FHIT: variants seen among roughly 807,000 people sequenced by gnomAD.
FHIT encodes the protein bis(5'-adenosyl)-triphosphatase.
In FHIT, 19 loss-of-function variants were observed where a neutral mutation model predicts 17.9. The observed-to-expected ratio is 1.06, with a 90% CI of 0.74 to 1.56. The LOEUF (loss-of-function observed/expected upper bound fraction) is 1.56, where lower values mean the gene tolerates loss of function less well. Among genes scored for constraint, FHIT ranks in the 40% most tolerant of loss-of-function variants. The probability of loss-of-function intolerance (pLI) is 0.00; values close to 1 mark genes in which losing one functional copy is unlikely to be tolerated. For missense variants in FHIT, 248 were observed against 189.2 expected, an observed-to-expected ratio of 1.31 and a Z score of -1.82; for synonymous variants, 81 against 69.7, an observed-to-expected ratio of 1.16 and a Z score of -0.81.
chr3:59,887,602 A>G (rs528838136), intron 8 of FHIT, among the ~76,000 whole-genome samples: 12 of 152,198 alleles, frequency 7.9e-5, no homozygotes, highest in Non-Finnish European at 1.5e-4. Context: ...ATATCTGGGC[A>G]GTAAAAGTAC....
At chr3:59,876,601 G>T (rs768804550) in intron 8 of FHIT, among the ~76,000 whole-genome samples, 1 of 152,160 alleles carries the variant, frequency 6.6e-6, no homozygotes, top group Admixed American at 6.5e-5. Context: ...CCTTTGGTGG[G>T]AGATAAGCCC....
intron 5 of FHIT, among the ~76,000 whole-genome samples, chr3:60,490,839 A>G (rs758998915): frequency 6.6e-6 from 1 of 152,174 alleles, no homozygotes; most frequent in Non-Finnish European, 1.5e-5. Context: ...GCATCATGCT[A>G]CTTTGCAGGT....
intron 5 of FHIT, 100 bp downstream of exon 5, chr3:60,536,760 T>C: frequency 7.8e-7 from 1 of 1,288,720 alleles, no homozygotes; most frequent in Non-Finnish European, 1.0e-6. Context: ...TATTTACCTT[T>C]TTGGACAGAC....
intron 3 of FHIT, among the ~76,000 whole-genome samples, chr3:60,985,922 G>A (rs1287627257): frequency 1.3e-5 from 2 of 152,286 alleles, no homozygotes; most frequent in East Asian, 3.9e-4. Flanking sequence ...AGCTTCTAGA[G>A]GTTGCCTGCA....
chr3:61,218,173 A>G (rs374559747), intron 1 of FHIT, among the ~76,000 whole-genome samples: 2 of 152,216 alleles, frequency 1.3e-5, no homozygotes, highest in Non-Finnish European at 2.9e-5. Context: ...GGGAGTCAGT[A>G]TAAGTAGAAA....
At chr3:60,992,994 C>T (rs1036485097) in intron 3 of FHIT, among the ~76,000 whole-genome samples, 1 of 152,104 alleles carries the variant, frequency 6.6e-6, no homozygotes, top group South Asian at 2.1e-4. Flanking sequence ...GTCATTAAGT[C>T]CCATCGCGTG....
intron 8 of FHIT, among the ~76,000 whole-genome samples, chr3:59,891,952 G>A (rs1297500670): frequency 6.6e-6 from 1 of 152,132 alleles, no homozygotes; most frequent in Admixed American, 6.5e-5. Flanking sequence ...CAGACATGAT[G>A]AAACTGCGTT....
intron 5 of FHIT, among the ~76,000 whole-genome samples, chr3:60,181,063 T>C (rs1701908628): frequency 6.6e-6 from 1 of 152,066 alleles, no homozygotes; most frequent in East Asian, 1.9e-4. Context: ...ACCAACCAGC[T>C]ATGAGAAGTA....
In FHIT at chr3:60,678,896, A is replaced by G. The variant is rs558045671; in HGVS notation, c.-17-141917T>C. On this transcript the variant is annotated intron_variant, in intron 4 of 9. Transcript: ENST00000492590. Reference sequence around the variant, plus strand: ...CTTCCTGAAACATATCAGTGGCATAATAAATATCATCTCGTTTTCCATCTT... The same window carrying G: ...CTTCCTGAAACATATCAGTGGCATAGTAAATATCATCTCGTTTTCCATCTT... Among the ~76,000 whole-genome samples the G allele has an allele frequency of 3.9e-5, 6 of 151,954 alleles. No individual in the cohort carries two copies. In the East Asian group the frequency reaches 1.2e-3, roughly 29 times the overall value.
At chr3:60,497,160 G>A (rs936319549) in intron 5 of FHIT, among the ~76,000 whole-genome samples, 1 of 151,916 alleles carries the variant, frequency 6.6e-6, no homozygotes, top group African/African-American at 2.4e-5. Context: ...TAGAGTTGCT[G>A]CTAAACACTT....
At chr3:60,195,277 G>C (rs1035154757) in intron 5 of FHIT, among the ~76,000 whole-genome samples, 1 of 151,748 alleles carries the variant, frequency 6.6e-6, no homozygotes, top group Non-Finnish European at 1.5e-5. Context: ...ACATGGATGT[G>C]GTAAAAAAGG....
chr3:59,984,354 A>G (rs895393883), intron 7 of FHIT, among the ~76,000 whole-genome samples: 1 of 151,194 alleles, frequency 6.6e-6, no homozygotes, highest in African/African-American at 2.4e-5. Flanking sequence ...AAACATTTAT[A>G]AGAATATTAG....
intron 5 of FHIT, among the ~76,000 whole-genome samples, chr3:60,195,344 T>G (rs748597463): frequency 6.9e-4 from 105 of 151,844 alleles, no homozygotes; most frequent in Non-Finnish European, 1.2e-3. Flanking sequence ...TGGAAAATAA[T>G]ATCGTGATTT....
chr3:59,984,810 C>A (rs1236564194), intron 7 of FHIT, among the ~76,000 whole-genome samples: 1 of 152,080 alleles, frequency 6.6e-6, no homozygotes, highest in East Asian at 1.9e-4. Context: ...TAATACCCAG[C>A]ACAACTGGGC....
intron 5 of FHIT, among the ~76,000 whole-genome samples, chr3:60,150,147 C>T (rs960604972): frequency 2.1e-5 from 2 of 96,548 alleles, no homozygotes; most frequent in African/African-American, 6.8e-5. Flanking sequence ...CAGGCATGCG[C>T]CCCCCACGCC....
At chr3:61,003,536 C>G (rs2107608213) in intron 3 of FHIT, among the ~76,000 whole-genome samples, 1 of 152,060 alleles carries the variant, frequency 6.6e-6, no homozygotes, top group South Asian at 2.1e-4. Flanking sequence ...GTGTTTATGC[C>G]CCTTAAAAGC....
chr3:60,326,554 T>C (rs777181866), intron 5 of FHIT, among the ~76,000 whole-genome samples: 3 of 152,228 alleles, frequency 2.0e-5, no homozygotes, highest in Non-Finnish European at 4.4e-5. Context: ...CACTTGTTGC[T>C]GTGTGGCCAG....
intron 5 of FHIT, among the ~76,000 whole-genome samples, chr3:60,099,653 C>A (rs145818826): frequency 2.6e-5 from 4 of 152,256 alleles, no homozygotes; most frequent in African/African-American, 9.6e-5. Context: ...TGGCCTCACC[C>A]GACATATTTA....
intron 4 of FHIT, among the ~76,000 whole-genome samples, chr3:60,591,821 G>C (rs1169124168): frequency 6.6e-6 from 1 of 152,058 alleles, no homozygotes; most frequent in African/African-American, 2.4e-5. Flanking sequence ...ATTTGGAGGA[G>C]AATTGTCTGG....
Sources: gnomAD v4.1 joint callset for allele counts (sites outside exome capture counted in the v4.1 genomes callset) on GRCh38, gnomAD v4.1.1 for gene constraint, MANE v1.5 for transcripts, NCBI Gene and HGNC (gene_info 2026-07-23, HGNC 2026-07-21) for gene names.